Variants in LAMP2 observed in about 807,000 individuals in gnomAD.
LAMP2 encodes lysosome associated membrane protein 2.
LAMP2 carries 4 observed loss-of-function variants against 25.6 expected under a neutral mutation model. The observed-to-expected ratio is 0.16, with a 90% CI of 0.08 to 0.36. LAMP2 has a LOEUF of 0.36. Among genes scored for constraint, LAMP2 ranks in the 10% least tolerant of loss-of-function variants. The probability of loss-of-function intolerance (pLI) is 1.00; values close to 1 mark genes in which losing one functional copy is unlikely to be tolerated. For missense variants in LAMP2, 272 were observed against 301.4 expected (o/e 0.90, Z 0.72); for synonymous variants, 108 against 112.7 (o/e 0.96, Z 0.27).
rs2058505037 is a variant in LAMP2, at chrX:120,427,877, C to A, written c.*3446G>T. On this transcript the variant is annotated 3_prime_UTR_variant, in exon 9 of 9. Transcript: ENST00000200639. Reference sequence around the variant, plus strand: ...GAACAACAACAACAAAAAAAGAAATCTCCTTGTTAAAATATAGTAGCTATT... The same window carrying A: ...GAACAACAACAACAAAAAAAGAAATATCCTTGTTAAAATATAGTAGCTATT... The A allele has an allele frequency of 8.9e-6, 1 of 112,023 alleles. No homozygotes were observed. The allele number at this position is 112,023 out of a possible 1,213,427, so 9.2% of individuals were successfully genotyped here. A position where few individuals can be genotyped will look rare whatever the true frequency, so the allele number is the denominator to read the frequency against.
chrX:120,451,947 G>T (rs757905134), intron 3 of LAMP2, among the ~76,000 whole-genome samples: 12 of 111,347 alleles, frequency 1.1e-4, no homozygotes, highest in Middle Eastern at 4.7e-3. Flanking sequence ...ACATTTCAGG[G>T]TCCATAGTTT....
At chrX:120,463,980 T>C (rs773143686) in intron 1 of LAMP2, among the ~76,000 whole-genome samples, 12 of 109,502 alleles carry the variant, frequency 1.1e-4, no homozygotes, top group Admixed American at 9.7e-4. Context: ...CTATTATAAC[T>C]AGAATAATTT....
At position 120,458,537 on chromosome X, in the gene LAMP2, T is replaced by A. The variant is rs1805031494; in HGVS notation, c.65-1768A>T. Among the ~76,000 whole-genome samples the A allele has an allele frequency of 3.6e-5, 4 of 111,838 alleles. No individual in the cohort carries two copies. In the South Asian group the frequency reaches 1.5e-3, roughly 42 times the overall value. ...AAACACCCTGAGGGTTCTGGCACAC[T>A]CTGTTCCATTCCCTTCACAGCCTTT... On this transcript the variant is annotated intron_variant, in intron 1 of 8. Coordinates refer to ENST00000200639, the MANE Select transcript of LAMP2 (RefSeq NM_002294.3).
At position 120,447,713 on chromosome X, in the gene LAMP2, AAAAC is replaced by A. The variant is rs368190024; in HGVS notation, c.741+124_741+127del. Reference sequence around the variant, plus strand: ...GGACAGAGCGTGACTCCATCTCAAAAAAACAAACAAACAAACAAAAAGAAAACGG... The same window carrying A: ...GGACAGAGCGTGACTCCATCTCAAAAAAACAAACAAACAAAAAGAAAACGG... On this transcript the variant is annotated intron_variant, in intron 5 of 8. Transcript: ENST00000200639. 1.3e-3 allele frequency: 841 copies of A among 640,734 alleles called. 4 individuals are homozygous for A. Among genetic ancestry groups the A allele is most frequent in the Middle Eastern group, 5.1e-3 (10 of 1,971 alleles). The allele number at this position is 640,734 out of a possible 1,213,427, so 52.8% of individuals were successfully genotyped here. A position where few individuals can be genotyped will look rare whatever the true frequency, so the allele number is the denominator to read the frequency against.
chrX:120,429,679 C>A lies in LAMP2; in HGVS notation c.*1644G>T. The stretch of plus-strand genomic sequence containing the variant: ...AGCCCAAAGTGCCCAATTCTGATCT[C>A]ATAATTTCAAGTGTAAACCAGCTGT... On this transcript the variant is annotated 3_prime_UTR_variant, in exon 9 of 9. Transcript: ENST00000200639. 1 of 753,344 alleles carries A rather than the reference C, an allele frequency of 1.3e-6. No homozygotes were observed. The highest frequency in any genetic ancestry group is 1.6e-6 in the Non-Finnish European group (1 of 639,051). The allele number at this position is 753,344 out of a possible 1,213,427, so 62.1% of individuals were successfully genotyped here. A position where few individuals can be genotyped will look rare whatever the true frequency, so the allele number is the denominator to read the frequency against.
intron 6 of LAMP2, among the ~76,000 whole-genome samples, chrX:120,443,436 C>G (rs1226744875): frequency 8.9e-6 from 1 of 112,118 alleles, no homozygotes; most frequent in Non-Finnish European, 1.9e-5. Context: ...CAGCACTGTT[C>G]TTAAAACTTT....
At chrX:120,450,200 A>G (rs946657308) in intron 3 of LAMP2, among the ~76,000 whole-genome samples, 3 of 112,192 alleles carry the variant, frequency 2.7e-5, no homozygotes, top group South Asian at 3.6e-4. Flanking sequence ...GCCATTTCAT[A>G]TAGTTTTTAT....
chrX:120,469,110 G>T lies in LAMP2; in HGVS notation c.60C>A (p.Val20=). ...PGSGLVLVCL[V]LGAVRSYALE... is the part of the protein sequence containing the mutation. ...CGGGAGGGCCCGACAACTCACCCAG[G>T]ACTAGGCAGACCAGAACGAGCCCTG... The change falls in exon 1 of 9, where the codon GTC becomes GTA. Residue 20 remains valine (V), a synonymous_variant. Transcript: ENST00000200639. 1 of 1,211,603 alleles carries T rather than the reference G, an allele frequency of 8.3e-7. No individual in the cohort carries two copies. The highest frequency in any genetic ancestry group is 3.0e-5 in the East Asian group (1 of 33,839).
At position 120,430,912 on chromosome X, in the gene LAMP2, G is replaced by C; in HGVS notation, c.*411C>G. On this transcript the variant is annotated 3_prime_UTR_variant, in exon 9 of 9. Transcript: ENST00000200639. ...ACATTGATGAGTTTAAATCACTATA[G>C]TCCTTATACATTGAAACAGAACACC... 1.3e-6 allele frequency: 1 copy of C among 799,376 alleles called. No individual in the cohort carries two copies. Among genetic ancestry groups the C allele is most frequent in the African/African-American group, 2.2e-5 (1 of 45,320 alleles). The allele number at this position is 799,376 out of a possible 1,213,427, so 65.9% of individuals were successfully genotyped here. A position where few individuals can be genotyped will look rare whatever the true frequency, so the allele number is the denominator to read the frequency against.
intron 6 of LAMP2, among the ~76,000 whole-genome samples, chrX:120,445,852 G>T (rs1234094667): frequency 8.9e-6 from 1 of 112,025 alleles, no homozygotes; most frequent in African/African-American, 3.2e-5. Flanking sequence ...TACATAGTAA[G>T]TACTCAATAG....
chrX:120,432,384 T>C (rs2058526389), intron 8 of LAMP2, among the ~76,000 whole-genome samples: 1 of 111,068 alleles, frequency 9.0e-6, no homozygotes, highest in African/African-American at 3.3e-5. Context: ...TGCTCTTAGG[T>C]AGTCTGGCCT....
At position 120,446,422 on chromosome X, in the gene LAMP2, A is replaced by G; in HGVS notation, c.747T>C (p.Ala249=). The G allele has an allele frequency of 8.3e-7, 1 of 1,210,496 alleles. No homozygotes were observed. The highest frequency in any genetic ancestry group is 1.8e-5 in the South Asian group (1 of 56,951). The change falls in exon 6 of 9, where the codon GCT becomes GCC. Residue 249 remains alanine (A), a synonymous_variant. Coordinates refer to ENST00000200639, the MANE Select transcript of LAMP2 (RefSeq NM_002294.3). ...LQLNITQDKV[A]SVININPNTT... is the part of the protein sequence containing the mutation. ...TATTGGGGTTGATGTTAATAACTGA[A>G]GCAACCTTCAGGAGAAGAAGAAAGG...
In LAMP2 at chrX:120,458,214, G is replaced by A. The variant is rs770619376; in HGVS notation, c.65-1445C>T. The stretch of plus-strand genomic sequence containing the variant: ...TGCTTTTTATATGCAGTCTTTTCTC[G>A]GTCTTGTTTAAGGTCTCTAGCTTTA... On this transcript the variant is annotated intron_variant, in intron 1 of 8. Transcript: ENST00000200639. Among the ~76,000 whole-genome samples the A allele has an allele frequency of 5.4e-5, 6 of 111,358 alleles. No homozygotes were observed. In the East Asian group the frequency reaches 8.5e-4, roughly 16 times the overall value.
Position 120,428,297 on chromosome X carries a change from A to C in LAMP2, c.*3026T>G, listed in dbSNP as rs2058506596. The C allele has an allele frequency of 4.3e-6, 2 of 463,458 alleles. No homozygotes were observed. The highest frequency in any genetic ancestry group is 5.1e-5 in the African/African-American group (2 of 39,468). The allele number at this position is 463,458 out of a possible 1,213,427, so 38.2% of individuals were successfully genotyped here. On this transcript the variant is annotated 3_prime_UTR_variant, in exon 9 of 9. Coordinates refer to ENST00000200639, the MANE Select transcript of LAMP2 (RefSeq NM_002294.3). ...TTATACTTTAACAAAGGAAGAAAAAAAACAGAAAAAAATTGGTCCTAATAT... is the reference window on the plus strand; with the variant it reads ...TTATACTTTAACAAAGGAAGAAAAACAACAGAAAAAAATTGGTCCTAATAT...
chrX:120,456,157 C>A (rs912971428), intron 2 of LAMP2, among the ~76,000 whole-genome samples: 1 of 106,867 alleles, frequency 9.4e-6, no homozygotes, highest in Non-Finnish European at 1.9e-5. Context: ...CTCGGCCCAG[C>A]GAGTGGCTGG....
intron 4 of LAMP2, 102 bp downstream of exon 4, chrX:120,448,868 C>A (rs936088792): frequency 1.3e-6 from 1 of 742,852 alleles, no homozygotes; most frequent in Non-Finnish European, 2.1e-6. Context: ...ATGAATAAAC[C>A]TTAATATATA....
Position 120,428,805 on chromosome X carries a change from T to C in LAMP2, c.*2518A>G, listed in dbSNP as rs56158197. The stretch of plus-strand genomic sequence containing the variant: ...TCACTTTATCTAAAATCACACGAAA[T>C]TCCTCAGTACGAAAAGCAGAAGGTA... On this transcript the variant is annotated 3_prime_UTR_variant, in exon 9 of 9. Transcript: ENST00000200639. The C allele has an allele frequency of 0.02, 15,213 of 750,136 alleles. 126 individuals are homozygous for C. Among genetic ancestry groups the C allele is most frequent in the Non-Finnish European group, 0.023 (14,349 of 637,494 alleles). The allele number at this position is 750,136 out of a possible 1,213,427, so 61.8% of individuals were successfully genotyped here.
chrX:120,437,151 G>A (rs1462995279), intron 8 of LAMP2: 1 of 747,052 alleles, frequency 1.3e-6, no homozygotes, highest in African/African-American at 2.3e-5. Context: ...TAAGAGAGGG[G>A]TTAGTCAGGA....
intron 8 of LAMP2, chrX:120,439,327 A>G (rs2058561203): frequency 8.7e-7 from 1 of 1,153,266 alleles, no homozygotes; most frequent in Non-Finnish European, 1.2e-6. Context: ...ATAAATAATG[A>G]GTATAATCAC....
Sources: allele counts gnomAD v4.1 joint callset (sites outside exome capture counted in the v4.1 genomes callset), GRCh38; gene constraint gnomAD v4.1.1; transcripts MANE v1.5; gene names NCBI Gene and HGNC (gene_info 2026-07-23, HGNC 2026-07-21).